NR5A2: variants seen among roughly 807,000 people sequenced by gnomAD.
The protein encoded by NR5A2 is nuclear receptor subfamily 5 group A member 2.
A neutral mutation model predicts 62.7 loss-of-function variants in NR5A2; 26 were observed. That is an observed-to-expected ratio of 0.41 (90% CI 0.30 to 0.58). The LOEUF is 0.58. Among genes scored for constraint, NR5A2 ranks in the 20% least tolerant of loss-of-function variants. NR5A2 has a pLI of 0.22. For missense variants in NR5A2, 541 were observed against 669.1 expected, an observed-to-expected ratio of 0.81 and a Z score of 2.11; for synonymous variants, 246 against 241.7, an observed-to-expected ratio of 1.02 and a Z score of -0.16.
Position 200,164,521 on chromosome 1 carries a change from T to TA in NR5A2, c.1379-9440dup, listed in dbSNP as rs574615338. 1.7e-3 allele frequency among the ~76,000 whole-genome samples: 266 copies of TA among 152,038 alleles called. 1 individual carries two copies. Among genetic ancestry groups the TA allele is most frequent in the African/African-American group, 6.1e-3 (252 of 41,454 alleles). On this transcript the variant is annotated intron_variant, in intron 7 of 7. Transcript: ENST00000367362. ...ATGCACAATGTAAAATTTACCATCT[T>TA]AACCACTTTTCCATAGATTTTAATA... is the stretch of plus-strand genomic sequence containing the variant.
chr1:200,135,713 A>G (rs1667194916), intron 7 of NR5A2, among the ~76,000 whole-genome samples: 1 of 152,146 alleles, frequency 6.6e-6, no homozygotes, highest in Non-Finnish European at 1.5e-5. Context: ...GTAAACTTGA[A>G]ATAATAATGA....
At position 200,039,325 on chromosome 1, in the gene NR5A2, G is replaced by A. The variant is rs939469972; in HGVS notation, c.65-333G>A. 2.0e-5 allele frequency among the ~76,000 whole-genome samples: 3 copies of A among 152,092 alleles called. No homozygotes were observed. The highest frequency in any genetic ancestry group is 4.4e-5 in the Non-Finnish European group (3 of 68,008). Reference sequence around the variant, plus strand: ...GCCGGGGCGGCAATAGCAGCCCCGCGGTCGCCTCCGCTGCCCGCCGGGAGC... The same window carrying A: ...GCCGGGGCGGCAATAGCAGCCCCGCAGTCGCCTCCGCTGCCCGCCGGGAGC... On this transcript the variant is annotated intron_variant, in intron 1 of 7. Coordinates refer to ENST00000367362, the MANE Select transcript of NR5A2 (RefSeq NM_205860.3). This position sits in a 1 kb window ranked among gnomAD's most constrained non-coding sequence, Gnocchi z 5.1.
In NR5A2 at chr1:200,048,504, A is replaced by T. The variant is rs1242534374; in HGVS notation, c.796A>T (p.Ser266Cys). Residue 266 changes from serine (S) to cysteine (C), a missense_variant, in exon 5 of 8, where the codon AGC (serine) becomes TGC (cysteine). Ser to Cys is a moderately radical substitution (Grantham distance 112, BLOSUM62 -1). Coordinates refer to ENST00000367362, the MANE Select transcript of NR5A2 (RefSeq NM_205860.3). This position sits in a 1 kb window ranked among gnomAD's most constrained non-coding sequence, Gnocchi z 4.8. ...QGYQTYGHFP[S>C]RAIKSEYPDP... The stretch of plus-strand genomic sequence containing the variant: ...TTACCAAACATATGGCCACTTTCCT[A>T]GCCGGGCCATCAAGTCTGAGTACCC... 1 of 1,614,156 alleles carries T rather than the reference A, an allele frequency of 6.2e-7. No individual in the cohort carries two copies. Among genetic ancestry groups the T allele is most frequent in the Non-Finnish European group, 8.5e-7 (1 of 1,180,026 alleles).
intron 5 of NR5A2, among the ~76,000 whole-genome samples, chr1:200,110,195 A>G (rs1388712153): frequency 6.6e-6 from 1 of 152,264 alleles, no homozygotes; most frequent in Non-Finnish European, 1.5e-5. Flanking sequence ...AAACTCTTAA[A>G]AATATTACAC....
At chr1:200,089,080 C>A (rs1436463699) in intron 5 of NR5A2, among the ~76,000 whole-genome samples, 1 of 152,190 alleles carries the variant, frequency 6.6e-6, no homozygotes, top group African/African-American at 2.4e-5. Context: ...TTAGTGATTT[C>A]TCCCACAAAC....
At position 200,147,278 on chromosome 1, in the gene NR5A2, G is replaced by A. The variant is rs545946320; in HGVS notation, c.1378+26323G>A. 5.3e-4 allele frequency among the ~76,000 whole-genome samples: 81 copies of A among 152,308 alleles called. 1 individual carries two copies. Among genetic ancestry groups the A allele is most frequent in the Admixed American group, 5.3e-3 (81 of 15,306 alleles). ...GAGACCTTAGCAATGGCCCAGGTTCGCTGGCTGCATCTGCTGTGCCAGGCG... is the reference window on the plus strand; with the variant it reads ...GAGACCTTAGCAATGGCCCAGGTTCACTGGCTGCATCTGCTGTGCCAGGCG... On this transcript the variant is annotated intron_variant, in intron 7 of 7. Coordinates refer to ENST00000367362, the MANE Select transcript of NR5A2 (RefSeq NM_205860.3). This position sits in a 1 kb window ranked among gnomAD's most constrained non-coding sequence, Gnocchi z 4.9.
At chr1:200,043,004 G>T (rs998377204) in intron 2 of NR5A2, 12 of 985,260 alleles carry the variant, frequency 1.2e-5, no homozygotes, top group Non-Finnish European at 1.4e-5. Context: ...AACATGTGAG[G>T]TTCATTACAG....
At chr1:200,160,737 A>G (rs1359360006) in intron 7 of NR5A2, among the ~76,000 whole-genome samples, 3 of 151,216 alleles carry the variant, frequency 2.0e-5, no homozygotes, top group Non-Finnish European at 4.4e-5. Context: ...CAAACCAGAC[A>G]TCTAGTATGG....
chr1:200,135,589 C>A (rs1667189017), intron 7 of NR5A2, among the ~76,000 whole-genome samples: 1 of 151,720 alleles, frequency 6.6e-6, no homozygotes, highest in Non-Finnish European at 1.5e-5. Context: ...GCGTTCATGA[C>A]AAGTTTCTTA....
chr1:200,129,487 G>A (rs1666869294), intron 7 of NR5A2, among the ~76,000 whole-genome samples: 1 of 152,192 alleles, frequency 6.6e-6, no homozygotes, highest in Non-Finnish European at 1.5e-5. Context: ...TTCTTTAAAA[G>A]AGGACCCTTC....
At chr1:200,142,512 T>A (rs534002670) in intron 7 of NR5A2, among the ~76,000 whole-genome samples, 34 of 151,572 alleles carry the variant, frequency 2.2e-4, no homozygotes, top group South Asian at 8.3e-4. Flanking sequence ...CTTCTTTTTT[T>A]TAAAAAAAAA....
chr1:200,039,885 C>A lies in NR5A2; in HGVS notation c.202+90C>A. On this transcript the variant is annotated intron_variant, in intron 2 of 7. Coordinates refer to ENST00000367362, the MANE Select transcript of NR5A2 (RefSeq NM_205860.3). This position sits in a 1 kb window ranked among gnomAD's most constrained non-coding sequence, Gnocchi z 5.1. ...GCTTCAGCCTCCCGCCCCGCGCGGG[C>A]GCGGGAGTAGCCCCGCTGGGCGCTC... is the stretch of plus-strand genomic sequence containing the variant. The A allele has an allele frequency of 7.0e-7, 1 of 1,427,056 alleles. No homozygotes were observed. Among genetic ancestry groups the A allele is most frequent in the Non-Finnish European group, 9.2e-7 (1 of 1,088,874 alleles). The allele number at this position is 1,427,056 out of a possible 1,614,324, so 88.4% of individuals were successfully genotyped here.
chr1:200,053,569 G>GCGCGCGCA (rs374944913), intron 5 of NR5A2, among the ~76,000 whole-genome samples: 2 of 141,994 alleles, frequency 1.4e-5, no homozygotes, highest in African/African-American at 5.3e-5. Flanking sequence ...GCATGCACAC[G>GCGCGCGCA]CACACACACA....
chr1:200,140,018 T>A (rs1667378534), intron 7 of NR5A2, among the ~76,000 whole-genome samples: 1 of 152,214 alleles, frequency 6.6e-6, no homozygotes, highest in Non-Finnish European at 1.5e-5. Context: ...GTTTTGATTA[T>A]CTTTTTATTT....
At chr1:200,110,610 C>T (rs1208208728) in intron 5 of NR5A2, among the ~76,000 whole-genome samples, 1 of 152,062 alleles carries the variant, frequency 6.6e-6, no homozygotes, top group Non-Finnish European at 1.5e-5. Context: ...CAGTTAGCAC[C>T]GACATCATGC....
At chr1:200,144,556 G>C (rs1287031349) in intron 7 of NR5A2, among the ~76,000 whole-genome samples, 1 of 152,122 alleles carries the variant, frequency 6.6e-6, no homozygotes, top group Non-Finnish European at 1.5e-5. Flanking sequence ...ATTTGGGAAA[G>C]AATTTCCCTC....
At chr1:200,115,622 G>A (rs1277642820) in intron 6 of NR5A2, among the ~76,000 whole-genome samples, 1 of 152,140 alleles carries the variant, frequency 6.6e-6, no homozygotes, top group Non-Finnish European at 1.5e-5. Flanking sequence ...CAGCTCTGCA[G>A]CCAATAGTGA....
intron 7 of NR5A2, among the ~76,000 whole-genome samples, chr1:200,161,068 T>A (rs1571575714): frequency 6.6e-6 from 1 of 152,176 alleles, no homozygotes; most frequent in East Asian, 1.9e-4. Context: ...TGGGAGCAGA[T>A]GGTCTTTAGC....
intron 1 of NR5A2, among the ~76,000 whole-genome samples, chr1:200,032,071 A>C (rs1361594248): frequency 6.6e-6 from 1 of 152,158 alleles, no homozygotes; most frequent in Non-Finnish European, 1.5e-5. Context: ...GGCCCAACCC[A>C]ATCCCCACCC....
Sources: allele counts gnomAD v4.1 joint callset (sites outside exome capture counted in the v4.1 genomes callset), GRCh38; gene constraint gnomAD v4.1.1; non-coding constraint Gnocchi (gnomAD v3.1); transcripts MANE v1.5; gene names NCBI Gene and HGNC (gene_info 2026-07-23, HGNC 2026-07-21).